COLGALT2: variants seen among roughly 807,000 people sequenced by gnomAD.
COLGALT2 encodes collagen beta(1-O)galactosyltransferase 2.
COLGALT2 carries 49 observed loss-of-function variants against 73.4 expected under a neutral mutation model. The ratio of observed to expected loss-of-function variants is 0.67; its 90% CI spans 0.53 to 0.85. The LOEUF (loss-of-function observed/expected upper bound fraction) is 0.85, where lower values mean the gene tolerates loss of function less well. Ranked by LOEUF, COLGALT2 falls within the 40% of genes least tolerant of loss-of-function variation. The pLI, the probability that COLGALT2 is intolerant of heterozygous loss-of-function variation, is 0.00. For synonymous variants in COLGALT2, 295 were observed against 307.6 expected (o/e 0.96, Z 0.43); for missense variants, 722 against 790.2 (o/e 0.91, Z 1.03).
chr1:183,984,078 T>G (rs1671423747), intron 1 of COLGALT2, among the ~76,000 whole-genome samples: 1 of 152,084 alleles, frequency 6.6e-6, no homozygotes, highest in South Asian at 2.1e-4. Flanking sequence ...ACACCTCCAC[T>G]CACTCTCTCT....
Position 183,938,795 on chromosome 1 carries a change from G to A in COLGALT2, c.1847C>T (p.Ser616Phe). 6.2e-7 allele frequency: 1 copy of A among 1,614,206 alleles called. No individual in the cohort carries two copies. Among genetic ancestry groups the A allele is most frequent in the Non-Finnish European group, 8.5e-7 (1 of 1,180,040 alleles). Residue 616 changes from serine (S) to phenylalanine (F), a missense_variant, in exon 12 of 12, where the codon TCC becomes TTC. Transcript: ENST00000361927. ...ATCCCTTGAAGGCACAGTGTCCAGGGAGGTTGGCGGTGGCAGGGCCTCTGT... is the reference window on the plus strand; with the variant it reads ...ATCCCTTGAAGGCACAGTGTCCAGGAAGGTTGGCGGTGGCAGGGCCTCTGT... ...KNTEALPPPT[S>F]LDTVPSRDEL
intron 6 of COLGALT2, among the ~76,000 whole-genome samples, chr1:183,960,643 G>T (rs557033925): frequency 1.3e-5 from 2 of 152,212 alleles, no homozygotes; most frequent in Non-Finnish European, 2.9e-5. Flanking sequence ...TGAACAAAAT[G>T]CATATACTAA....
At chr1:183,996,136 A>G (rs1407603999) in intron 1 of COLGALT2, among the ~76,000 whole-genome samples, 2 of 152,206 alleles carry the variant, frequency 1.3e-5, no homozygotes, top group Non-Finnish European at 2.9e-5. Flanking sequence ...CAGGCCATAA[A>G]TGTTAGGAAA....
intron 4 of COLGALT2, 96 bp downstream of exon 4, chr1:183,973,520 A>C: frequency 6.8e-7 from 1 of 1,470,330 alleles, no homozygotes; most frequent in Non-Finnish European, 9.4e-7. Flanking sequence ...GCATGTTTCA[A>C]GGGAGTAAAC....
At chr1:184,030,425 T>C (rs931255131) in intron 1 of COLGALT2, among the ~76,000 whole-genome samples, 8 of 152,212 alleles carry the variant, frequency 5.3e-5, no homozygotes, top group Non-Finnish European at 1.0e-4. Context: ...TTACTGTATG[T>C]TGTTATGCTA....
chr1:183,930,501 A>C (rs983558352), intron 11 of COLGALT2, among the ~76,000 whole-genome samples: 2 of 150,658 alleles, frequency 1.3e-5, no homozygotes, highest in Admixed American at 6.6e-5. Flanking sequence ...CGATTCTCCA[A>C]CCTCAGCCTC....
At chr1:183,976,398 T>C (rs1420266496) in intron 2 of COLGALT2, among the ~76,000 whole-genome samples, 4 of 149,330 alleles carry the variant, frequency 2.7e-5, no homozygotes, top group Admixed American at 2.7e-4. Context: ...ATATTTATAA[T>C]AATTCTTACA....
chr1:183,938,119 C>T lies in COLGALT2; in HGVS notation c.*642G>A, dbSNP rs1670007763. Reference sequence around the variant, plus strand: ...CAAACTGGTCACCTCTATATGAGAACTCCAACTGCCATGATGGTCACAGGC... The same window carrying T: ...CAAACTGGTCACCTCTATATGAGAATTCCAACTGCCATGATGGTCACAGGC... On this transcript the variant is annotated 3_prime_UTR_variant, in exon 12 of 12. Transcript: ENST00000361927. The T allele has an allele frequency of 1.0e-6, 1 of 985,678 alleles. No individual in the cohort carries two copies. Among genetic ancestry groups the T allele is most frequent in the Non-Finnish European group, 1.2e-6 (1 of 830,182 alleles). 61.1% of individuals were successfully genotyped at this position (985,678 alleles called of 1,614,324 possible).
intron 1 of COLGALT2, among the ~76,000 whole-genome samples, chr1:184,019,773 T>G (rs183246373): frequency 2.4e-4 from 36 of 152,162 alleles, no homozygotes; most frequent in African/African-American, 8.7e-4. Flanking sequence ...AACAGAAACA[T>G]CAAAAGTGGA....
chr1:183,932,646 C>A (rs962662236), downstream of COLGALT2, among the ~76,000 whole-genome samples: 1 of 152,092 alleles, frequency 6.6e-6, no homozygotes, highest in Non-Finnish European at 1.5e-5. Context: ...GGCTGGGGTC[C>A]AAAAAGGCTC....
At chr1:183,956,740 C>CA (rs918346191) in intron 6 of COLGALT2, among the ~76,000 whole-genome samples, 38 of 149,554 alleles carry the variant, frequency 2.5e-4, no homozygotes, top group Non-Finnish European at 3.3e-4. Context: ...ACAAGTGTTG[C>CA]AAAAAAAAAG....
At chr1:183,994,226 G>A (rs1671710893) in intron 1 of COLGALT2, among the ~76,000 whole-genome samples, 1 of 151,474 alleles carries the variant, frequency 6.6e-6, no homozygotes, top group African/African-American at 2.4e-5. Context: ...TTTTGGTAGA[G>A]ACAGGGTTTC....
rs79036003 is a variant in COLGALT2, at chr1:184,022,052, C to T, written c.263+15043G>A. 1.1e-3 allele frequency among the ~76,000 whole-genome samples: 160 copies of T among 152,294 alleles called. 1 individual carries two copies. Among genetic ancestry groups the T allele is most frequent in the African/African-American group, 3.6e-3 (151 of 41,564 alleles). On this transcript the variant is annotated intron_variant, in intron 1 of 11. Transcript: ENST00000361927. ...GGGGCAGGCTGTAGCCATGTGTAAC[C>T]CTTATCGTCTTAGGGCTCAAAAACT...
Position 183,940,933 on chromosome 1 carries a change from G to A in COLGALT2, c.1398-146C>T, listed in dbSNP as rs554865859. The stretch of plus-strand genomic sequence containing the variant: ...AAATGATGTATCACATCCAAAAGTG[G>A]ATCCAATCGCCAGTCAGGACTGCCA... On this transcript the variant is annotated intron_variant, in intron 10 of 11. Coordinates refer to ENST00000361927, the MANE Select transcript of COLGALT2 (RefSeq NM_015101.4). 8.1e-6 allele frequency: 6 copies of A among 738,956 alleles called. No homozygotes were observed. The East Asian group carries it at 1.6e-4, about 20-fold the overall frequency. 45.8% of individuals were successfully genotyped at this position (738,956 alleles called of 1,614,324 possible).
intron 5 of COLGALT2, chr1:183,964,445 A>G (rs1157064355): frequency 5.2e-6 from 1 of 192,698 alleles, no homozygotes; most frequent in Non-Finnish European, 1.0e-5. Context: ...AAATTCTGTA[A>G]CGCTGACAGA....
At chr1:184,017,693 A>G (rs2102852480) in intron 1 of COLGALT2, among the ~76,000 whole-genome samples, 1 of 152,350 alleles carries the variant, frequency 6.6e-6, no homozygotes, top group East Asian at 1.9e-4. Flanking sequence ...CACAGATTTT[A>G]CCAAAACAAA....
rs1023664508 is a variant in COLGALT2, at chr1:183,973,552, A to G, written c.627+64T>C. ...AAACAAGAGAAAGGTGAATGGGACT[A>G]CTGTTGACCGGGTGTTGCCTTGTTA... On this transcript the variant is annotated intron_variant, in intron 4 of 11. Transcript: ENST00000361927. The G allele has an allele frequency of 5.7e-6, 9 of 1,591,138 alleles. No homozygotes were observed. In the African/African-American group the frequency reaches 1.1e-4, roughly 19 times the overall value.
chr1:184,037,005 C>T, intron 1 of COLGALT2, 90 bp downstream of exon 1: 1 of 1,130,340 alleles, frequency 8.8e-7, no homozygotes, highest in Non-Finnish European at 1.1e-6. Flanking sequence ...GCGGCTCCCT[C>T]GCCCTGCAGC....
rs184093615 is a variant in COLGALT2, at chr1:183,995,640, T to G, written c.264-17120A>C. Among the ~76,000 whole-genome samples, 25 of 151,544 alleles carry G rather than the reference T, an allele frequency of 1.6e-4. No individual in the cohort carries two copies. The East Asian group carries it at 4.7e-3, about 28-fold the overall frequency. ...ATGTTTGCTTCCAGCGGGTGTGTAT[T>G]TTTTTTTTCTTTTTTTGGTTTGACT... On this transcript the variant is annotated intron_variant, in intron 1 of 11. Transcript: ENST00000361927.
Sources: gnomAD v4.1 joint callset for allele counts (sites outside exome capture counted in the v4.1 genomes callset) on GRCh38, gnomAD v4.1.1 for gene constraint, MANE v1.5 for transcripts, NCBI Gene and HGNC (gene_info 2026-07-23, HGNC 2026-07-21) for gene names.